Variants in KIAA1549L observed in about 807,000 individuals in gnomAD.
The protein encoded by KIAA1549L is UPF0606 protein KIAA1549L.
In KIAA1549L, 88 loss-of-function variants were observed where a neutral mutation model predicts 160.7. That is an observed-to-expected ratio of 0.55 (90% CI 0.46 to 0.65). The LOEUF (loss-of-function observed/expected upper bound fraction) is 0.65, where lower values mean the gene tolerates loss of function less well. Ranked by LOEUF, KIAA1549L falls within the 30% of genes least tolerant of loss-of-function variation. KIAA1549L has a pLI of 0.00. For synonymous variants in KIAA1549L, 950 were observed against 976.7 expected, an observed-to-expected ratio of 0.97 and a Z score of 0.51; for missense variants, 2,258 against 2,437.5, an observed-to-expected ratio of 0.93 and a Z score of 1.55.
chr11:33,652,666 G>A (rs888442625), intron 17 of KIAA1549L, among the ~76,000 whole-genome samples: 2 of 152,244 alleles, frequency 1.3e-5, no homozygotes, highest in African/African-American at 4.8e-5. Context: ...GAGGCCAGAA[G>A]AGAGAAGAGG....
chr11:33,594,669 A>G (rs1231962630), intron 12 of KIAA1549L, among the ~76,000 whole-genome samples: 2 of 152,242 alleles, frequency 1.3e-5, no homozygotes, highest in Non-Finnish European at 2.9e-5. Context: ...TCTCATGGTC[A>G]AGTCCAGACT....
At chr11:33,381,100 T>G (rs953152640) in intron 1 of KIAA1549L, among the ~76,000 whole-genome samples, 2 of 152,002 alleles carry the variant, frequency 1.3e-5, no homozygotes, top group Non-Finnish European at 2.9e-5. Context: ...ACCAGTCACG[T>G]GAAGATCTCG....
At chr11:33,655,919 G>A in intron 17 of KIAA1549L, 93 bp from the exon 18 acceptor site, 1 of 818,814 alleles carries the variant, frequency 1.2e-6, no homozygotes, top group Non-Finnish European at 2.1e-6. Flanking sequence ...TCTGACCCTT[G>A]GAAGTTTGCT....
chr11:33,395,474 G>A (rs1850355808), intron 1 of KIAA1549L, among the ~76,000 whole-genome samples: 2 of 152,070 alleles, frequency 1.3e-5, no homozygotes, highest in Non-Finnish European at 2.9e-5. Flanking sequence ...ATATATCGAT[G>A]AGAAAATGTA....
At chr11:33,628,815 T>C (rs1191770752) in intron 16 of KIAA1549L, among the ~76,000 whole-genome samples, 2 of 152,004 alleles carry the variant, frequency 1.3e-5, no homozygotes, top group African/African-American at 4.8e-5. Flanking sequence ...TGTGTGAATT[T>C]GATCCTGTCA....
At chr11:33,414,403 T>C (rs1850847475) in intron 1 of KIAA1549L, among the ~76,000 whole-genome samples, 1 of 152,196 alleles carries the variant, frequency 6.6e-6, no homozygotes, top group Admixed American at 6.5e-5. Context: ...CTTAACCTTC[T>C]TTCTAGTGAT....
chr11:33,497,110 G>A (rs1852839195), intron 1 of KIAA1549L, among the ~76,000 whole-genome samples: 1 of 151,940 alleles, frequency 6.6e-6, no homozygotes, highest in African/African-American at 2.4e-5. Context: ...AGGTAGCCTG[G>A]CACTCCCCAG....
chr11:33,384,774 A>G (rs1211472994), intron 1 of KIAA1549L, among the ~76,000 whole-genome samples: 1 of 152,056 alleles, frequency 6.6e-6, no homozygotes, highest in Non-Finnish European at 1.5e-5. Context: ...GAAGTCTGTT[A>G]AGTTATTTTG....
At chr11:33,452,503 G>C (rs1851741121) in intron 1 of KIAA1549L, among the ~76,000 whole-genome samples, 1 of 152,184 alleles carries the variant, frequency 6.6e-6, no homozygotes, top group South Asian at 2.1e-4. Flanking sequence ...AGCTACTCGG[G>C]AGGCTGAGCC....
chr11:33,382,591 A>T (rs1362072285), intron 1 of KIAA1549L, among the ~76,000 whole-genome samples: 1 of 152,208 alleles, frequency 6.6e-6, no homozygotes, highest in Non-Finnish European at 1.5e-5. Context: ...ATTTTTAAAC[A>T]TGAAAGACAT....
At chr11:33,467,655 G>A (rs761066279) in intron 1 of KIAA1549L, among the ~76,000 whole-genome samples, 10 of 152,196 alleles carry the variant, frequency 6.6e-5, no homozygotes, top group Non-Finnish European at 1.0e-4. Context: ...TATCTTCACC[G>A]CTTTCTCTGC....
At chr11:33,513,388 T>C (rs551577695) in intron 1 of KIAA1549L, among the ~76,000 whole-genome samples, 2 of 152,196 alleles carry the variant, frequency 1.3e-5, no homozygotes, top group East Asian at 1.9e-4. Context: ...GTGACACTCA[T>C]ATTAGCTGAA....
rs544072737 is a variant in KIAA1549L, at chr11:33,583,489, G to A, written c.4554G>A (p.Pro1518=). Residue 1518 remains proline (P), a synonymous_variant, in exon 11 of 21, where the codon CCG becomes CCA. Coordinates refer to ENST00000658780, the MANE Select transcript of KIAA1549L (RefSeq NM_012194.3). ...DFKPDTMINL[P]QRAKPVQGFD... is the part of the protein sequence containing the mutation. ...AGCCTGACACCATGATAAACCTGCCGCAGAGAGCAAAGGTATATGGAAGTG... is the reference window on the plus strand; with the variant it reads ...AGCCTGACACCATGATAAACCTGCCACAGAGAGCAAAGGTATATGGAAGTG... 45 of 1,575,880 alleles carry A rather than the reference G, an allele frequency of 2.9e-5. No homozygotes were observed. In the South Asian group the frequency reaches 4.0e-4, roughly 14 times the overall value.
intron 1 of KIAA1549L, among the ~76,000 whole-genome samples, chr11:33,463,014 G>C (rs1218977273): frequency 6.6e-6 from 1 of 151,944 alleles, no homozygotes; most frequent in African/African-American, 2.4e-5. Flanking sequence ...ATTTTTTGTA[G>C]AGACGGGGTT....
intron 16 of KIAA1549L, among the ~76,000 whole-genome samples, chr11:33,629,722 C>G (rs1436271388): frequency 1.3e-5 from 2 of 150,944 alleles, no homozygotes; most frequent in African/African-American, 5.0e-5. Flanking sequence ...ACTTCTTTGC[C>G]TTTGGTTCGA....
chr11:33,633,139 C>CTTTTTTTTTTTT lies in KIAA1549L; in HGVS notation c.5410-12527_5410-12516dup, dbSNP rs56310347. ...GACAGGTGCCCACCACCATGCCCAGCTTTTTTTTTTTTTTTTTTTTTTTTT... is the reference window on the plus strand; with the variant it reads ...GACAGGTGCCCACCACCATGCCCAGCTTTTTTTTTTTTTTTTTTTTTTTTTTTTTTTTTTTTT... On this transcript the variant is annotated intron_variant, in intron 16 of 20. Coordinates refer to ENST00000658780, the MANE Select transcript of KIAA1549L (RefSeq NM_012194.3). 1.2e-3 allele frequency among the ~76,000 whole-genome samples: 61 copies of CTTTTTTTTTTTT among 50,744 alleles called. 2 individuals are homozygous for CTTTTTTTTTTTT. Among genetic ancestry groups the CTTTTTTTTTTTT allele is most frequent in the African/African-American group, 1.7e-3 (20 of 11,776 alleles). The allele number at this position is 50,744 out of a possible 152,430, so 33.3% of individuals were successfully genotyped here.
rs752966632 is a variant in KIAA1549L at position 33,645,668 on chromosome 11, C to A, written c.5410-18C>A. ...GAAGGAAAGTAAACACATCAATGGG[C>A]TTTGTTTCCTCCCACAGACTGAGCC... On this transcript the variant is annotated intron_variant, in intron 16 of 20. Transcript: ENST00000658780. 6 of 1,576,918 alleles carry A rather than the reference C, an allele frequency of 3.8e-6. No homozygotes were observed. Among genetic ancestry groups the A allele is most frequent in the South Asian group, 3.3e-5 (3 of 90,204 alleles).
At chr11:33,483,485 G>A (rs1359670541) in intron 1 of KIAA1549L, among the ~76,000 whole-genome samples, 2 of 152,106 alleles carry the variant, frequency 1.3e-5, no homozygotes, top group Non-Finnish European at 1.5e-5. Context: ...CATCATGAAG[G>A]TGAAATCTGA....
At chr11:33,441,254 C>A (rs899207389) in intron 1 of KIAA1549L, among the ~76,000 whole-genome samples, 1 of 151,936 alleles carries the variant, frequency 6.6e-6, no homozygotes, top group Non-Finnish European at 1.5e-5. Flanking sequence ...ATGAACTCAT[C>A]ATTTTTTATG....
Sources: allele counts gnomAD v4.1 joint callset (sites outside exome capture counted in the v4.1 genomes callset), GRCh38; gene constraint gnomAD v4.1.1; transcripts MANE v1.5; gene names NCBI Gene and HGNC (gene_info 2026-07-23, HGNC 2026-07-21).